The following POMGNT2 variants were observed in gnomAD, a reference collection of about 807,000 sequenced individuals.
POMGNT2 encodes protein O-linked mannose N-acetylglucosaminyltransferase 2 (beta 1,4-).
Under a neutral mutation model 37.8 loss-of-function variants are expected in POMGNT2, and 32 were observed. The ratio of observed to expected loss-of-function variants is 0.85; its 90% CI spans 0.64 to 1.14. The LOEUF (loss-of-function observed/expected upper bound fraction) is 1.14, where lower values mean the gene tolerates loss of function less well. Ranked by LOEUF, POMGNT2 falls within the 50% of genes most tolerant of loss-of-function variation. The pLI is 0.00. For missense variants in POMGNT2, 705 were observed against 780.6 expected, an observed-to-expected ratio of 0.90 and a Z score of 1.15; for synonymous variants, 340 against 336.8, an observed-to-expected ratio of 1.01 and a Z score of -0.10.
intron 1 of POMGNT2, among the ~76,000 whole-genome samples, chr3:43,094,986 T>C (rs2089969519): frequency 6.6e-6 from 1 of 152,226 alleles, no homozygotes; most frequent in Non-Finnish European, 1.5e-5. Context: ...CCCCAGCCTG[T>C]TGAGCTCCTG....
intron 1 of POMGNT2, among the ~76,000 whole-genome samples, chr3:43,101,060 A>G (rs1358862522): frequency 1.3e-5 from 2 of 152,260 alleles, no homozygotes; most frequent in East Asian, 3.9e-4. Flanking sequence ...GTCTTCAAAT[A>G]CCTGAGTTGC....
chr3:43,082,104 G>A (rs2089861904), intron 1 of POMGNT2, among the ~76,000 whole-genome samples: 1 of 152,240 alleles, frequency 6.6e-6, no homozygotes, highest in South Asian at 2.1e-4. Flanking sequence ...GGGGCTGTTT[G>A]TGATGAAGCA....
chr3:43,085,850 G>A (rs185763935), intron 1 of POMGNT2, among the ~76,000 whole-genome samples: 4 of 152,024 alleles, frequency 2.6e-5, no homozygotes, highest in Admixed American at 2.6e-4. Flanking sequence ...GTTTTGTTCT[G>A]TGCTCACTGG....
At chr3:43,094,661 A>G (rs773799171) in intron 1 of POMGNT2, among the ~76,000 whole-genome samples, 2 of 152,206 alleles carry the variant, frequency 1.3e-5, no homozygotes, top group Non-Finnish European at 2.9e-5. Context: ...CTGCCTCCCC[A>G]GGGCACTGGC....
chr3:43,102,239 T>C (rs2090024557), intron 1 of POMGNT2, among the ~76,000 whole-genome samples: 1 of 152,176 alleles, frequency 6.6e-6, no homozygotes, highest in African/African-American at 2.4e-5. Context: ...GTGTGTTTCA[T>C]CACTGGGTGT....
intron 1 of POMGNT2, among the ~76,000 whole-genome samples, chr3:43,087,040 C>T (rs929126888): frequency 1.3e-5 from 2 of 152,062 alleles, no homozygotes; most frequent in African/African-American, 2.4e-5. Flanking sequence ...AAGATGAAGA[C>T]GAGACTGGAG....
chr3:43,101,292 T>C (rs2090017174), intron 1 of POMGNT2, among the ~76,000 whole-genome samples: 1 of 152,206 alleles, frequency 6.6e-6, no homozygotes, highest in South Asian at 2.1e-4. Context: ...GAGCTCAGCA[T>C]GGTCAGTTGG....
At chr3:43,084,889 T>G (rs1575465348) in intron 1 of POMGNT2, among the ~76,000 whole-genome samples, 1 of 152,214 alleles carries the variant, frequency 6.6e-6, no homozygotes, top group South Asian at 2.1e-4. Flanking sequence ...TCTTTTTTTT[T>G]GCTAAAACTT....
At chr3:43,097,639 C>T (rs2089989492) in intron 1 of POMGNT2, among the ~76,000 whole-genome samples, 1 of 151,968 alleles carries the variant, frequency 6.6e-6, no homozygotes, top group South Asian at 2.1e-4. Context: ...ATTTAAGCTT[C>T]ATTATTAGGA....
At position 43,095,418 on chromosome 3, in the gene POMGNT2, T is replaced by C. The variant is rs189360028; in HGVS notation, c.-106+10418A>G. On this transcript the variant is annotated intron_variant, in intron 1 of 1. Coordinates refer to ENST00000344697, the MANE Select transcript of POMGNT2 (RefSeq NM_032806.6). ...TGAGATGGGATCCGTACAGGACAGA[T>C]GGTCTTTGACATGAGCCATTCCACA... 2.6e-3 allele frequency among the ~76,000 whole-genome samples: 394 copies of C among 152,304 alleles called. 3 individuals are homozygous for C. Among genetic ancestry groups the C allele is most frequent in the African/African-American group, 9.1e-3 (378 of 41,568 alleles).
intron 1 of POMGNT2, among the ~76,000 whole-genome samples, chr3:43,095,588 C>T (rs1047376608): frequency 1.3e-5 from 2 of 152,196 alleles, no homozygotes; most frequent in Non-Finnish European, 1.5e-5. Flanking sequence ...TGCCCTAAAG[C>T]GTTCCTCTAT....
intron 1 of POMGNT2, among the ~76,000 whole-genome samples, chr3:43,100,165 C>A (rs891837195): frequency 2.7e-5 from 4 of 150,662 alleles, no homozygotes; most frequent in African/African-American, 1.0e-4. Flanking sequence ...TTTAATCATT[C>A]TCTCTATATG....
chr3:43,100,379 G>T (rs1437445913), intron 1 of POMGNT2, among the ~76,000 whole-genome samples: 4 of 152,162 alleles, frequency 2.6e-5, no homozygotes, highest in Admixed American at 2.6e-4. Context: ...GGATTGTGTA[G>T]GTTATATGCA....
intron 1 of POMGNT2, among the ~76,000 whole-genome samples, chr3:43,088,775 C>T (rs1296584880): frequency 1.3e-5 from 2 of 152,216 alleles, no homozygotes; most frequent in African/African-American, 2.4e-5. Flanking sequence ...GTGCCTAGGA[C>T]GGCATGGCCA....
chr3:43,081,168 G>A lies in POMGNT2; in HGVS notation c.264C>T (p.Asn88=), dbSNP rs572228301. The A allele has an allele frequency of 1.4e-5, 23 of 1,614,222 alleles. No homozygotes were observed. In the Middle Eastern group the frequency reaches 6.6e-4, roughly 46 times the overall value. ...ICRFKWLCYS[N]EAEEFIFFHG... The stretch of plus-strand genomic sequence containing the variant: ...GGAAGAAGATGAACTCCTCAGCCTC[G>A]TTGGAGTAGCAGAGCCACTTGAAGC... The change falls in exon 2 of 2, where the codon AAC becomes AAT. Residue 88 remains asparagine, a synonymous_variant. Coordinates refer to ENST00000344697, the MANE Select transcript of POMGNT2 (RefSeq NM_032806.6).
At chr3:43,085,737 G>T (rs1471298234) in intron 1 of POMGNT2, among the ~76,000 whole-genome samples, 1 of 151,730 alleles carries the variant, frequency 6.6e-6, no homozygotes, top group Admixed American at 6.6e-5. Context: ...TTTCCCTGGT[G>T]TTTTGCAGGA....
At chr3:43,104,633 T>C (rs569987854) in intron 1 of POMGNT2, among the ~76,000 whole-genome samples, 3 of 152,130 alleles carry the variant, frequency 2.0e-5, no homozygotes, top group African/African-American at 4.8e-5. Context: ...AAAATTAATA[T>C]TGAAAGGATG....
At chr3:43,084,282 C>A (rs532480602) in intron 1 of POMGNT2, among the ~76,000 whole-genome samples, 2 of 152,150 alleles carry the variant, frequency 1.3e-5, no homozygotes, top group East Asian at 3.9e-4. Context: ...GCCATTATTT[C>A]CTTGAAAACT....
Position 43,080,784 on chromosome 3 carries a change from C to T in POMGNT2, c.648G>A (p.Leu216=), listed in dbSNP as rs1171532664. The change falls in exon 2 of 2, where the codon CTG becomes CTA. Residue 216 remains leucine (L), a synonymous_variant. Coordinates refer to ENST00000344697, the MANE Select transcript of POMGNT2 (RefSeq NM_032806.6). ...YKLLSPKQPL[L]RAQLKTLGRL... The stretch of plus-strand genomic sequence containing the variant: ...GGCCCAGGGTCTTCAGCTGTGCCCG[C>T]AGGAGAGGCTGCTTGGGGCTGAGCA... 1 of 1,614,076 alleles carries T rather than the reference C, an allele frequency of 6.2e-7. No individual in the cohort carries two copies. Among genetic ancestry groups the T allele is most frequent in the South Asian group, 1.1e-5 (1 of 91,084 alleles).
Sources: gnomAD v4.1 joint callset for allele counts (sites outside exome capture counted in the v4.1 genomes callset) on GRCh38, gnomAD v4.1.1 for gene constraint, MANE v1.5 for transcripts, NCBI Gene and HGNC (gene_info 2026-07-23, HGNC 2026-07-21) for gene names.